Variants in ACOT11 observed in about 807,000 individuals in gnomAD.
ACOT11 encodes acyl-coenzyme A thioesterase 11.
Under a neutral mutation model 77.5 loss-of-function variants are expected in ACOT11, and 69 were observed. That is an observed-to-expected ratio of 0.89 (90% CI 0.73 to 1.09). The LOEUF is 1.09. Ranked by LOEUF, ACOT11 falls within the 50% of genes least tolerant of loss-of-function variation. ACOT11 has a pLI of 0.00. For synonymous variants in ACOT11, 279 were observed against 313.0 expected, an observed-to-expected ratio of 0.89 and a Z score of 1.15; for missense variants, 766 against 813.7, an observed-to-expected ratio of 0.94 and a Z score of 0.71.
In ACOT11 at chr1:54,609,191, CAA is replaced by C. The variant is rs1644078161; in HGVS notation, c.*81_*82del. On this transcript the variant is annotated 3_prime_UTR_variant, in exon 16 of 16. Coordinates refer to ENST00000343744, the MANE Select transcript of ACOT11 (RefSeq NM_147161.4). The stretch of plus-strand genomic sequence containing the variant: ...CTCACATACAGTGCCTGGAGAAAGC[CAA>C]AGACCTTTATTTCTTCCTGCCTCCC... The C allele has an allele frequency of 1.9e-6, 3 of 1,599,912 alleles. No homozygotes were observed. The highest frequency in any genetic ancestry group is 2.3e-5 in the South Asian group (2 of 88,856).
chr1:54,561,772 C>T (rs1653501276), intron 1 of ACOT11, among the ~76,000 whole-genome samples: 5 of 116,824 alleles, frequency 4.3e-5, no homozygotes, highest in Non-Finnish European at 7.2e-5. Context: ...GGCGGCTGGC[C>T]GGGCGGGGGG....
intron 7 of ACOT11, among the ~76,000 whole-genome samples, chr1:54,599,015 G>A (rs1452919246): frequency 1.7e-4 from 25 of 146,990 alleles, no homozygotes; most frequent in Admixed American, 8.1e-4. Flanking sequence ...GCATGGTGGC[G>A]GACACCTGTA....
At chr1:54,610,468 TCCAC>T (rs1644105500), downstream of ACOT11, 1 of 1,501,060 alleles carries the variant, frequency 6.7e-7, no homozygotes, top group African/African-American at 1.4e-5. Context: ...AACCAGCCAC[TCCAC>T]ATTCAGACCG....
In ACOT11 at chr1:54,601,414, G is replaced by A. The variant is rs747931497; in HGVS notation, c.1029+1G>A. The A allele has an allele frequency of 1.2e-5, 20 of 1,611,198 alleles. No homozygotes were observed. Among genetic ancestry groups the A allele is most frequent in the East Asian group, 8.9e-5 (4 of 44,882 alleles). ...GCCCTGGATTCGGCCCCAGCCCGGCGTAAGTGGGACCAGCGCCCTGCCCCA... is the reference window on the plus strand; with the variant it reads ...GCCCTGGATTCGGCCCCAGCCCGGCATAAGTGGGACCAGCGCCCTGCCCCA... On this transcript the variant is annotated splice_donor_variant, in intron 9 of 15. Coordinates refer to ENST00000343744, the MANE Select transcript of ACOT11 (RefSeq NM_147161.4). LOFTEE classifies it high-confidence loss of function.
rs1416543977 is a variant in ACOT11, at chr1:54,590,329, T to C, written c.312-2217T>C. Among the ~76,000 whole-genome samples the C allele has an allele frequency of 5.9e-5, 9 of 151,660 alleles. No homozygotes were observed. The East Asian group carries it at 1.6e-3, about 26-fold the overall frequency. ...TCTCGATGGGGGTCAGATTTGTTCA[T>C]GGGGGGTCGCTTGTCTGCGTTGTGA... On this transcript the variant is annotated intron_variant, in intron 3 of 15. Transcript: ENST00000343744.
chr1:54,619,139 C>T (rs1644203464), intron 15 of ACOT11, among the ~76,000 whole-genome samples: 2 of 152,116 alleles, frequency 1.3e-5, no homozygotes, highest in African/African-American at 4.8e-5. Flanking sequence ...CTCAGCATCA[C>T]TTGAGGGTGG....
rs749922686 is a variant in ACOT11, at chr1:54,597,454, C to T, written c.764+39C>T. 1.2e-5 allele frequency: 18 copies of T among 1,553,062 alleles called. No homozygotes were observed. In the East Asian group the frequency reaches 2.3e-4, roughly 20 times the overall value. On this transcript the variant is annotated intron_variant, in intron 7 of 15. Transcript: ENST00000343744. The stretch of plus-strand genomic sequence containing the variant: ...GTGCTGCCTCTGCCTCCCCTCCTTT[C>T]TCCTCCTCCTCCCCTTGGCTACCTC...
Position 54,610,160 on chromosome 1 carries a change from C to A in ACOT11, c.*1048C>A. On this transcript the variant is annotated 3_prime_UTR_variant, in exon 16 of 16. Coordinates refer to ENST00000343744, the MANE Select transcript of ACOT11 (RefSeq NM_147161.4). ...TTCAGCTCTTGGCCTTTACCCATGACTCAGCCTGGGGGCTGGTGCCGGCCT... is the reference window on the plus strand; with the variant it reads ...TTCAGCTCTTGGCCTTTACCCATGAATCAGCCTGGGGGCTGGTGCCGGCCT... 7.0e-7 allele frequency: 1 copy of A among 1,433,126 alleles called. No homozygotes were observed. Among genetic ancestry groups the A allele is most frequent in the Non-Finnish European group, 9.1e-7 (1 of 1,099,244 alleles). The allele number at this position is 1,433,126 out of a possible 1,614,324, so 88.8% of individuals were successfully genotyped here.
At chr1:54,624,911 T>A (rs1644262577) in intron 15 of ACOT11, among the ~76,000 whole-genome samples, 1 of 150,776 alleles carries the variant, frequency 6.6e-6, no homozygotes, top group African/African-American at 2.4e-5. Context: ...TGGGGAACGG[T>A]GGGCATTGTG....
chr1:54,548,505 G>T, intron 1 of ACOT11, 163 bp downstream of exon 1: 4 of 932,822 alleles, frequency 4.3e-6, no homozygotes. Flanking sequence ...CCCTGGGCTG[G>T]TTTATTATCA....
At chr1:54,554,333 G>GTGTGTGTGTGTA (rs1324068229) in intron 1 of ACOT11, among the ~76,000 whole-genome samples, 1 of 96,380 alleles carries the variant, frequency 1.0e-5, no homozygotes, top group African/African-American at 4.1e-5. Context: ...GTGTGTGTGT[G>GTGTGTGTGTGTA]TATATATATA....
In ACOT11 at chr1:54,579,390, A is replaced by G. The variant is rs116203742; in HGVS notation, c.34-5265A>G. Reference sequence around the variant, plus strand: ...CGTGCATCCTGTGTGTGTCCCGGGTATGTGTGTAGGCTGCCTCAGAGCCTT... The same window carrying G: ...CGTGCATCCTGTGTGTGTCCCGGGTGTGTGTGTAGGCTGCCTCAGAGCCTT... On this transcript the variant is annotated intron_variant, in intron 1 of 15. Coordinates refer to ENST00000343744, the MANE Select transcript of ACOT11 (RefSeq NM_147161.4). Among the ~76,000 whole-genome samples, 742 of 152,178 alleles carry G rather than the reference A, an allele frequency of 4.9e-3. 8 individuals carry two copies. The highest frequency in any genetic ancestry group is 0.017 in the African/African-American group (697 of 41,514).
Position 54,607,458 on chromosome 1 carries a change from A to G in ACOT11, c.1502+193A>G, listed in dbSNP as rs1265508304. 6.6e-6 allele frequency among the ~76,000 whole-genome samples: 1 copy of G among 152,124 alleles called. No homozygotes were observed. Among genetic ancestry groups the G allele is most frequent in the African/African-American group, 2.4e-5 (1 of 41,424 alleles). ...TGGGTAAAATGAGGGATAGGGGCACACATTTCCCCTCTTGTCGCATTCCCT... is the reference window on the plus strand; with the variant it reads ...TGGGTAAAATGAGGGATAGGGGCACGCATTTCCCCTCTTGTCGCATTCCCT... On this transcript the variant is annotated intron_variant, in intron 14 of 15. Coordinates refer to ENST00000343744, the MANE Select transcript of ACOT11 (RefSeq NM_147161.4). This position sits in a 1 kb window ranked among gnomAD's most constrained non-coding sequence, Gnocchi z 4.5.
chr1:54,597,086 C>A (rs1643896143), intron 6 of ACOT11, among the ~76,000 whole-genome samples, 173 bp from the exon 7 acceptor site: 1 of 152,340 alleles, frequency 6.6e-6, no homozygotes, highest in South Asian at 2.1e-4. Flanking sequence ...ACTGGACAGG[C>A]TCATCCCTCT....
chr1:54,594,225 C>T (rs988479099), intron 5 of ACOT11, among the ~76,000 whole-genome samples, 186 bp downstream of exon 5: 3 of 152,206 alleles, frequency 2.0e-5, no homozygotes, highest in Non-Finnish European at 2.9e-5. Flanking sequence ...CCCCTCTCCC[C>T]TCCTTTCCCC....
chr1:54,630,516 G>A (rs765236999), intron 15 of ACOT11, among the ~76,000 whole-genome samples: 4 of 152,220 alleles, frequency 2.6e-5, no homozygotes, highest in Admixed American at 6.5e-5. Flanking sequence ...TCTTAAGGGC[G>A]TGTTCCTGCT....
chr1:54,562,245 G>A (rs1653535701), intron 1 of ACOT11, among the ~76,000 whole-genome samples: 7 of 114,430 alleles, frequency 6.1e-5, no homozygotes, highest in African/African-American at 1.2e-4. Flanking sequence ...CCTCCCGGAC[G>A]GGGCGGCTGG....
downstream of ACOT11, among the ~76,000 whole-genome samples, chr1:54,612,928 T>C (rs1275224332): frequency 6.6e-6 from 1 of 152,124 alleles, no homozygotes; most frequent in Non-Finnish European, 1.5e-5. Context: ...GATTCTGATC[T>C]TGGGCAGGTA....
At chr1:54,551,857 C>A (rs746968462) in intron 1 of ACOT11, among the ~76,000 whole-genome samples, 1 of 152,084 alleles carries the variant, frequency 6.6e-6, no homozygotes, top group Non-Finnish European at 1.5e-5. Context: ...TCAAGGAATT[C>A]TCCTGCCTCA....
Sources: gnomAD v4.1 joint callset for allele counts (sites outside exome capture counted in the v4.1 genomes callset) on GRCh38, gnomAD v4.1.1 for gene constraint, Gnocchi (gnomAD v3.1) non-coding constraint, MANE v1.5 for transcripts, NCBI Gene and HGNC (gene_info 2026-07-23, HGNC 2026-07-21) for gene names.